HIF3A: variants seen among roughly 807,000 people sequenced by gnomAD.
The protein encoded by HIF3A is hypoxia-inducible factor 3-alpha.
HIF3A carries 41 observed loss-of-function variants against 67.2 expected under a neutral mutation model. The observed-to-expected ratio is 0.61, with a 90% confidence interval of 0.48 to 0.79. HIF3A has a LOEUF of 0.79. HIF3A is among the 30% of genes least tolerant of loss of function. The pLI is 0.00. For missense variants in HIF3A, 855 were observed against 898.0 expected (o/e 0.95, Z 0.61); for synonymous variants, 356 against 374.8 (o/e 0.95, Z 0.58).
chr19:46,339,817 T>A lies in HIF3A; in HGVS notation c.*195T>A. 1 of 427,160 alleles carries A rather than the reference T, an allele frequency of 2.3e-6. No individual in the cohort carries two copies. The highest frequency in any genetic ancestry group is 4.1e-6 in the Non-Finnish European group (1 of 241,628). 26.5% of individuals were successfully genotyped at this position (427,160 alleles called of 1,614,324 possible). On this transcript the variant is annotated 3_prime_UTR_variant, in exon 15 of 15. Coordinates refer to ENST00000377670, the MANE Select transcript of HIF3A (RefSeq NM_152795.4). ...CCAATCTGGGGGCTCTCTGGGGTGG[T>A]CTCAGCTCAGTGACCTCTGGGAGGT...
At chr19:46,315,822 G>A (rs918921773) in intron 8 of HIF3A, among the ~76,000 whole-genome samples, 1 of 152,208 alleles carries the variant, frequency 6.6e-6, no homozygotes, top group Non-Finnish European at 1.5e-5. Flanking sequence ...GCCGAGACAT[G>A]AGAATCACTT....
chr19:46,303,740 A>C (rs1389489789), intron 1 of HIF3A, 158 bp from the exon 2 acceptor site: 1 of 1,531,626 alleles, frequency 6.5e-7, no homozygotes, highest in East Asian at 2.3e-5. Context: ...AGGCCCAGGG[A>C]GCGCCGCGAA....
intron 3 of HIF3A, among the ~76,000 whole-genome samples, chr19:46,307,465 A>C (rs902298560): frequency 6.6e-6 from 1 of 151,860 alleles, no homozygotes; most frequent in Non-Finnish European, 1.5e-5. Flanking sequence ...AATTAGCCAA[A>C]AGCTGGATGC....
chr19:46,327,794 G>A (rs923941805), intron 11 of HIF3A, among the ~76,000 whole-genome samples: 5 of 152,154 alleles, frequency 3.3e-5, no homozygotes, highest in Non-Finnish European at 7.3e-5. Flanking sequence ...ACTTAAGATT[G>A]TAGTTTTATT....
chr19:46,335,741 A>C (rs2147316113), intron 14 of HIF3A, among the ~76,000 whole-genome samples: 1 of 152,074 alleles, frequency 6.6e-6, no homozygotes, highest in East Asian at 1.9e-4. Flanking sequence ...GTCTCAAATA[A>C]AAAAGAGTGC....
intron 13 of HIF3A, among the ~76,000 whole-genome samples, chr19:46,333,666 A>G (rs900192808): frequency 4.6e-5 from 7 of 151,932 alleles, no homozygotes; most frequent in Middle Eastern, 6.8e-3. Flanking sequence ...CACACCACAA[A>G]TGGGTGGCCA....
At chr19:46,311,753 C>T (rs1340203191) in intron 6 of HIF3A, among the ~76,000 whole-genome samples, 1 of 151,900 alleles carries the variant, frequency 6.6e-6, no homozygotes, top group Non-Finnish European at 1.5e-5. Flanking sequence ...CCCAGCTACT[C>T]AGGAGGCTGA....
chr19:46,320,714 G>GAT (rs1197949365), intron 9 of HIF3A, among the ~76,000 whole-genome samples, 153 bp downstream of exon 9: 1 of 152,142 alleles, frequency 6.6e-6, no homozygotes, highest in Non-Finnish European at 1.5e-5. Context: ...AGCCTCCTAA[G>GAT]AGCCCTTGGA....
At chr19:46,302,185 A>G (rs1381309413) in intron 1 of HIF3A, among the ~76,000 whole-genome samples, 1 of 151,964 alleles carries the variant, frequency 6.6e-6, no homozygotes, top group Non-Finnish European at 1.5e-5. Context: ...GCTGGAGTAT[A>G]GTGGCGCGAT....
chr19:46,313,569 A>C (rs1157712994), intron 8 of HIF3A, among the ~76,000 whole-genome samples: 1 of 151,382 alleles, frequency 6.6e-6, no homozygotes. Context: ...CAGTTCTGTG[A>C]ATTTTTGACA....
In HIF3A at chr19:46,340,534, T is replaced by G. The variant is rs1971898212; in HGVS notation, c.*912T>G. The G allele has an allele frequency of 2.0e-5, 3 of 152,780 alleles. No individual in the cohort carries two copies. Among genetic ancestry groups the G allele is most frequent in the Admixed American group, 1.3e-4 (2 of 15,262 alleles). 9.5% of individuals were successfully genotyped at this position (152,780 alleles called of 1,614,324 possible). A position where few individuals can be genotyped will look rare whatever the true frequency, so the allele number is the denominator to read the frequency against. ...TTTTTTTTTTTTGACAGAGTCTTGC[T>G]CTGTCACCCAGGCTGGAGTGCAGTG... On this transcript the variant is annotated 3_prime_UTR_variant, in exon 15 of 15. Coordinates refer to ENST00000377670, the MANE Select transcript of HIF3A (RefSeq NM_152795.4).
intron 8 of HIF3A, among the ~76,000 whole-genome samples, chr19:46,319,250 G>A (rs1970175688): frequency 6.6e-6 from 1 of 152,100 alleles, no homozygotes; most frequent in Admixed American, 6.6e-5. Context: ...GGGGAATAAG[G>A]GTGGCTTTGA....
chr19:46,316,421 C>CT (rs201284240), intron 8 of HIF3A, among the ~76,000 whole-genome samples: 15 of 151,262 alleles, frequency 9.9e-5, no homozygotes, highest in East Asian at 7.8e-4. Context: ...CACGATGGGG[C>CT]TTTTTTTTTC....
chr19:46,312,645 T>C lies in HIF3A; in HGVS notation c.1017T>C (p.Phe339=). Residue 339 remains phenylalanine, a synonymous_variant, in exon 8 of 15, where the codon TTT becomes TTC. Transcript: ENST00000377670. ...PQSESIVCVH[F]LISQVEETGV... The stretch of plus-strand genomic sequence containing the variant: ...CGGAGAGTATCGTCTGTGTCCATTT[T>C]TTAATCAGGTAAGCAGGAGGAGGGG... 1 of 1,556,426 alleles carries C rather than the reference T, an allele frequency of 6.4e-7. No homozygotes were observed.
chr19:46,324,276 C>T (rs1261994561), intron 10 of HIF3A, among the ~76,000 whole-genome samples: 1 of 152,198 alleles, frequency 6.6e-6, no homozygotes, highest in Non-Finnish European at 1.5e-5. Flanking sequence ...TCATGAGAAG[C>T]ACTCAGTAGG....
At chr19:46,327,954 C>T (rs1208247582) in intron 11 of HIF3A, among the ~76,000 whole-genome samples, 1 of 152,172 alleles carries the variant, frequency 6.6e-6, no homozygotes, top group East Asian at 1.9e-4. Flanking sequence ...GAGAGTAATG[C>T]CAACTCAGGA....
At chr19:46,331,855 C>CAAAAAAAA (rs532285027) in intron 13 of HIF3A, among the ~76,000 whole-genome samples, 14 of 51,222 alleles carry the variant, frequency 2.7e-4, no homozygotes, top group South Asian at 1.3e-3. Context: ...AACTCCGTCT[C>CAAAAAAAA]AAAAAAAAAA....
intron 1 of HIF3A, chr19:46,303,497 C>T: frequency 3.6e-6 from 3 of 827,078 alleles, no homozygotes; most frequent in Non-Finnish European, 5.6e-6. Flanking sequence ...GCCTCTCCTT[C>T]GTGGGCCCTC....
At chr19:46,305,221 C>A in intron 2 of HIF3A, 24 bp from the exon 3 acceptor site, 1 of 1,613,570 alleles carries the variant, frequency 6.2e-7, no homozygotes, top group Non-Finnish European at 8.5e-7. Context: ...AGAGATGCCC[C>A]CATCCCCCTG....
Sources: gnomAD v4.1 joint callset for allele counts (sites outside exome capture counted in the v4.1 genomes callset) on GRCh38, gnomAD v4.1.1 for gene constraint, MANE v1.5 for transcripts, NCBI Gene and HGNC (gene_info 2026-07-23, HGNC 2026-07-21) for gene names.